TMEM38A: variants seen among roughly 807,000 people sequenced by gnomAD.
The protein encoded by TMEM38A is transmembrane protein 38A.
TMEM38A carries 17 observed loss-of-function variants against 28.6 expected under a neutral mutation model. The ratio of observed to expected loss-of-function variants is 0.60; its 90% CI spans 0.41 to 0.89. TMEM38A has a LOEUF of 0.89. Among genes scored for constraint, TMEM38A ranks in the 40% least tolerant of loss-of-function variants. The probability of loss-of-function intolerance (pLI) is 0.00; values close to 1 mark genes in which losing one functional copy is unlikely to be tolerated. For synonymous variants in TMEM38A, 169 were observed against 166.1 expected, an observed-to-expected ratio of 1.02 and a Z score of -0.14; for missense variants, 328 against 393.1, an observed-to-expected ratio of 0.83 and a Z score of 1.40.
At chr19:16,670,361 G>A (rs1317422197) in intron 1 of TMEM38A, among the ~76,000 whole-genome samples, 5 of 149,084 alleles carry the variant, frequency 3.4e-5, no homozygotes, top group African/African-American at 5.0e-5. Context: ...TGCAACCTCC[G>A]CCTCCCAGGT....
intron 1 of TMEM38A, among the ~76,000 whole-genome samples, chr19:16,663,451 A>C (rs1373059971): frequency 6.6e-6 from 1 of 152,100 alleles, no homozygotes; most frequent in East Asian, 1.9e-4. Context: ...CCAGAGCCTG[A>C]AGGTTCCTGA....
At chr19:16,672,445 C>CTTTTTT (rs1491240988) in intron 1 of TMEM38A, among the ~76,000 whole-genome samples, 49 of 100,408 alleles carry the variant, frequency 4.9e-4, no homozygotes, top group African/African-American at 2.4e-3. Flanking sequence ...AAAAAAACCT[C>CTTTTTT]ATTTTTTTTT....
intron 4 of TMEM38A, among the ~76,000 whole-genome samples, chr19:16,683,403 A>G (rs2086789367): frequency 2.0e-5 from 3 of 151,916 alleles, no homozygotes; most frequent in African/African-American, 7.3e-5. Flanking sequence ...AGACTGGGCA[A>G]CATAGTGAGA....
chr19:16,666,427 TA>T (rs202230894), intron 1 of TMEM38A, among the ~76,000 whole-genome samples: 38 of 151,930 alleles, frequency 2.5e-4, no homozygotes, highest in Non-Finnish European at 4.6e-4. Context: ...AATTTAACTT[TA>T]AAAAAATTTT....
Position 16,688,567 on chromosome 19 carries a change from G to T in TMEM38A, c.*196G>T. On this transcript the variant is annotated 3_prime_UTR_variant, in exon 6 of 6. Coordinates refer to ENST00000187762, the MANE Select transcript of TMEM38A (RefSeq NM_024074.4). ...ATGAAGAACTTTTGTAGAAATCGGG[G>T]TTCCCTCTTTCTCTCTGCCAGGACC... The T allele has an allele frequency of 4.8e-6, 2 of 420,776 alleles. No homozygotes were observed. The allele number at this position is 420,776 out of a possible 1,614,324, so 26.1% of individuals were successfully genotyped here.
chr19:16,687,452 T>G (rs1017407031), intron 5 of TMEM38A, among the ~76,000 whole-genome samples: 5 of 152,032 alleles, frequency 3.3e-5, no homozygotes, highest in African/African-American at 1.2e-4. Flanking sequence ...ACCCAGGAGG[T>G]GGAGGCTGCA....
intron 4 of TMEM38A, among the ~76,000 whole-genome samples, chr19:16,684,938 A>G (rs1413511188): frequency 1.3e-5 from 2 of 151,696 alleles, no homozygotes; most frequent in Admixed American, 6.6e-5. Flanking sequence ...AGCCCTAGCT[A>G]CTTGGGGGGC....
intron 4 of TMEM38A, among the ~76,000 whole-genome samples, chr19:16,684,025 G>A (rs1317778336): frequency 6.6e-6 from 1 of 152,044 alleles, no homozygotes; most frequent in Non-Finnish European, 1.5e-5. Flanking sequence ...AGCTACATGG[G>A]AGGCTGAGGC....
At chr19:16,663,521 CT>C (rs2086690989) in intron 1 of TMEM38A, among the ~76,000 whole-genome samples, 1 of 151,202 alleles carries the variant, frequency 6.6e-6, no homozygotes, top group Non-Finnish European at 1.5e-5. Flanking sequence ...CTCCTGGGAG[CT>C]TTTTTTCTTT....
At position 16,679,967 on chromosome 19, in the gene TMEM38A, A is replaced by G. The variant is rs1164128325; in HGVS notation, c.125-17A>G. On this transcript the variant is annotated splice_polypyrimidine_tract_variant and intron_variant, in intron 1 of 5. Coordinates refer to ENST00000187762, the MANE Select transcript of TMEM38A (RefSeq NM_024074.4). ...TGGCATGCTGGTGATGATGGGGGAC[A>G]CTCCTGTGCCTCCCAGGAGCAGTCG... is the stretch of plus-strand genomic sequence containing the variant. The G allele has an allele frequency of 1.9e-6, 3 of 1,580,834 alleles. No homozygotes were observed. Among genetic ancestry groups the G allele is most frequent in the Non-Finnish European group, 1.7e-6 (2 of 1,167,166 alleles).
intron 1 of TMEM38A, among the ~76,000 whole-genome samples, chr19:16,663,138 A>G (rs1802747810): frequency 1.6e-4 from 25 of 151,968 alleles, no homozygotes. Flanking sequence ...AAAATTAGCC[A>G]GGCATGGTGG....
In TMEM38A at chr19:16,689,394, G is replaced by A. The variant is rs1316645644; in HGVS notation, c.*1023G>A. The stretch of plus-strand genomic sequence containing the variant: ...AATGGCTTTGCATTTTAGATCATTC[G>A]TGTGTGTGGATCAGAGAAACGCACA... On this transcript the variant is annotated 3_prime_UTR_variant, in exon 6 of 6. Transcript: ENST00000187762. 2.6e-5 allele frequency: 4 copies of A among 152,222 alleles called. No homozygotes were observed. The highest frequency in any genetic ancestry group is 5.9e-5 in the Non-Finnish European group (4 of 68,074). 9.4% of individuals were successfully genotyped at this position (152,222 alleles called of 1,614,324 possible).
chr19:16,665,735 C>G (rs963656814), intron 1 of TMEM38A, among the ~76,000 whole-genome samples: 4 of 151,510 alleles, frequency 2.6e-5, no homozygotes, highest in African/African-American at 9.7e-5. Context: ...ATTTGGAAGT[C>G]TAGGGAGGAA....
chr19:16,663,307 G>T (rs1234519990), intron 1 of TMEM38A, among the ~76,000 whole-genome samples: 1 of 151,640 alleles, frequency 6.6e-6, no homozygotes, highest in Non-Finnish European at 1.5e-5. Flanking sequence ...TGAAACTGAG[G>T]AGGGTTGGAG....
chr19:16,687,261 G>A (rs2086805770), intron 5 of TMEM38A, among the ~76,000 whole-genome samples: 1 of 152,196 alleles, frequency 6.6e-6, no homozygotes, highest in Non-Finnish European at 1.5e-5. Flanking sequence ...GAACCCGGGA[G>A]GTGGAGGTTG....
At chr19:16,680,236 A>C in intron 2 of TMEM38A, 96 bp downstream of exon 2, 4 of 1,525,744 alleles carry the variant, frequency 2.6e-6, no homozygotes, top group Non-Finnish European at 2.7e-6. Context: ...AGAATGCACC[A>C]GCAACAGCCC....
chr19:16,682,585 T>C, intron 4 of TMEM38A, 77 bp downstream of exon 4: 1 of 1,336,122 alleles, frequency 7.5e-7, no homozygotes, highest in South Asian at 1.2e-5. Flanking sequence ...ATGCTGCTGA[T>C]AACTTAGAGA....
At chr19:16,675,615 C>T (rs895246343) in intron 1 of TMEM38A, among the ~76,000 whole-genome samples, 1 of 148,082 alleles carries the variant, frequency 6.8e-6, no homozygotes, top group Non-Finnish European at 1.5e-5. Context: ...ATGGTGCAAT[C>T]TCAGCTCACT....
At position 16,686,391 on chromosome 19, in the gene TMEM38A, A is replaced by G; in HGVS notation, c.658A>G (p.Met220Val). 16 of 1,613,168 alleles carry G rather than the reference A, an allele frequency of 9.9e-6. No homozygotes were observed. Among genetic ancestry groups the G allele is most frequent in the Admixed American group, 1.7e-5 (1 of 59,990 alleles). ...CCTCATCTTCATCTTCACCTTGTTC[A>G]TGGTGTCCTGTAAGGTAAGCCTTTC... The part of the protein sequence containing the change: ...ASLIFIFTLF[M>V]VSCKVFLTAT... The change falls in exon 5 of 6, where the codon ATG becomes GTG. Residue 220 changes from methionine to valine, a missense_variant. Met to Val is a conservative substitution (Grantham distance 21). Coordinates refer to ENST00000187762, the MANE Select transcript of TMEM38A (RefSeq NM_024074.4).
Sources: gnomAD v4.1 joint callset for allele counts (sites outside exome capture counted in the v4.1 genomes callset) on GRCh38, gnomAD v4.1.1 for gene constraint, MANE v1.5 for transcripts, NCBI Gene and HGNC (gene_info 2026-07-23, HGNC 2026-07-21) for gene names.